The following TAFA1 variants were observed in gnomAD, a reference collection of about 807,000 sequenced individuals.
TAFA1 encodes the protein chemokine-like protein TAFA-1.
Under a neutral mutation model 18.5 loss-of-function variants are expected in TAFA1, and 4 were observed. The observed-to-expected ratio is 0.22, with a 90% CI of 0.11 to 0.49. The LOEUF (loss-of-function observed/expected upper bound fraction) is 0.49. TAFA1 is among the 20% of genes least tolerant of loss of function. The probability of loss-of-function intolerance (pLI) is 0.98; values close to 1 mark genes in which losing one functional copy is unlikely to be tolerated. For missense variants in TAFA1, 147 were observed against 169.0 expected (o/e 0.87, Z 0.72); for synonymous variants, 56 against 55.2 (o/e 1.01, Z -0.06).
intron 2 of TAFA1, among the ~76,000 whole-genome samples, chr3:68,162,392 C>A (rs574486661): frequency 6.6e-6 from 1 of 152,152 alleles, no homozygotes; most frequent in African/African-American, 2.4e-5. Context: ...GCACAGTTCA[C>A]AATAGGGTTC....
At chr3:68,286,327 C>T (rs1344526227) in intron 2 of TAFA1, among the ~76,000 whole-genome samples, 1 of 152,016 alleles carries the variant, frequency 6.6e-6, no homozygotes, top group Non-Finnish European at 1.5e-5. Context: ...CTACGTTAGT[C>T]CACGGGGCTA....
At chr3:68,313,964 G>A (rs2068564164) in intron 2 of TAFA1, among the ~76,000 whole-genome samples, 1 of 152,116 alleles carries the variant, frequency 6.6e-6, no homozygotes, top group African/African-American at 2.4e-5. Flanking sequence ...AAAATAAGTA[G>A]AACTGTAAAA....
chr3:68,134,947 A>T (rs552369199), intron 2 of TAFA1, among the ~76,000 whole-genome samples: 10 of 152,360 alleles, frequency 6.6e-5, no homozygotes, highest in Admixed American at 3.9e-4. Flanking sequence ...TTTACGTAAC[A>T]TGATGCTTGA....
At chr3:68,425,445 A>G (rs1035149789) in intron 3 of TAFA1, among the ~76,000 whole-genome samples, 3 of 151,954 alleles carry the variant, frequency 2.0e-5, no homozygotes, top group Admixed American at 6.6e-5. Context: ...GATTGTTCTT[A>G]TTAGAAGAGG....
intron 2 of TAFA1, among the ~76,000 whole-genome samples, chr3:68,226,148 T>C (rs182147536): frequency 6.6e-6 from 1 of 152,332 alleles, no homozygotes; most frequent in East Asian, 1.9e-4. Context: ...AGGGTCTGCC[T>C]TTCCCACTGT....
chr3:68,180,504 A>T (rs1454359666), intron 2 of TAFA1, among the ~76,000 whole-genome samples: 1 of 152,198 alleles, frequency 6.6e-6, no homozygotes, highest in Non-Finnish European at 1.5e-5. Flanking sequence ...TTGTCCCAAC[A>T]TAAGAAGTTC....
the TAFA1 span, among the ~76,000 whole-genome samples, chr3:67,993,868 G>A: frequency 4.9e-4 from 74 of 152,180 alleles, no homozygotes; most frequent in African/African-American, 1.5e-3. Context: ...GGCACATAGC[G>A]TTCCTATATA....
At chr3:68,120,229 CTTTCTTTCTTTCTTTCTT>C (rs2065379845) in intron 2 of TAFA1, among the ~76,000 whole-genome samples, 1 of 120,956 alleles carries the variant, frequency 8.3e-6, no homozygotes, top group Non-Finnish European at 1.7e-5. Context: ...TTCTTTCTTT[CTTTCTTTCTTTCTTTCTT>C]TCTTTCTTTC....
chr3:68,500,954 C>G (rs1849235), intron 3 of TAFA1, among the ~76,000 whole-genome samples: 30,670 of 151,604 alleles, frequency 0.2, 3,159 homozygotes, highest in Middle Eastern at 0.24. Flanking sequence ...TCACTTGAGA[C>G]CAACCTGGCC....
At chr3:68,237,855 A>G (rs1286162934) in intron 2 of TAFA1, among the ~76,000 whole-genome samples, 1 of 152,194 alleles carries the variant, frequency 6.6e-6, no homozygotes, top group Admixed American at 6.5e-5. Flanking sequence ...CAAGAGATTG[A>G]CTGACTGACA....
chr3:68,254,133 GTATCTATC>G (rs1553659903), intron 2 of TAFA1, among the ~76,000 whole-genome samples: 15 of 111,116 alleles, frequency 1.3e-4, no homozygotes, highest in Non-Finnish European at 2.0e-4. Context: ...ATGTATGTAT[GTATCTATC>G]TATCTATCTA....
At chr3:68,388,616 A>C (rs964813697) in intron 2 of TAFA1, among the ~76,000 whole-genome samples, 1 of 152,010 alleles carries the variant, frequency 6.6e-6, no homozygotes, top group African/African-American at 2.4e-5. Flanking sequence ...ACCAATTCCC[A>C]CATCTACAGA....
chr3:68,051,680 T>C (rs1415850066), intron 2 of TAFA1, among the ~76,000 whole-genome samples: 1 of 152,184 alleles, frequency 6.6e-6, no homozygotes, highest in Non-Finnish European at 1.5e-5. Flanking sequence ...GCACTGTTTA[T>C]ATCATAGTAT....
intron 2 of TAFA1, among the ~76,000 whole-genome samples, chr3:68,034,114 C>T (rs1300033635): frequency 1.3e-5 from 2 of 152,172 alleles, no homozygotes; most frequent in African/African-American, 4.8e-5. Flanking sequence ...CCCATAACCA[C>T]CTCCAGTGTC....
intron 2 of TAFA1, among the ~76,000 whole-genome samples, chr3:68,032,983 CT>C (rs1389826307): frequency 6.6e-6 from 1 of 152,052 alleles, no homozygotes; most frequent in Non-Finnish European, 1.5e-5. Context: ...GTATGATATC[CT>C]TTCATTTCCC....
intron 3 of TAFA1, among the ~76,000 whole-genome samples, chr3:68,515,155 A>T (rs905941543): frequency 6.6e-6 from 1 of 152,088 alleles, no homozygotes; most frequent in Admixed American, 6.5e-5. Flanking sequence ...CCAGTATGGT[A>T]GTGTCAGGGC....
In TAFA1 at chr3:68,205,621, C is replaced by G. The variant is rs953221875; in HGVS notation, c.118+198877C>G. Among the ~76,000 whole-genome samples the G allele has an allele frequency of 2.6e-5, 4 of 151,782 alleles. No homozygotes were observed. The South Asian group carries it at 8.3e-4, about 32-fold the overall frequency. On this transcript the variant is annotated intron_variant, in intron 2 of 4. Coordinates refer to ENST00000478136, the MANE Select transcript of TAFA1 (RefSeq NM_213609.4). ...AACTCCTGAAGACTAGAAAACGTCC[C>G]TAGATGATCTTTCCTTCAACTACTA...
chr3:68,411,326 C>G (rs1197607625), intron 2 of TAFA1, among the ~76,000 whole-genome samples: 5 of 152,152 alleles, frequency 3.3e-5, no homozygotes, highest in Non-Finnish European at 2.9e-5. Flanking sequence ...TATATATACT[C>G]TGCTATACCA....
intron 3 of TAFA1, among the ~76,000 whole-genome samples, chr3:68,476,624 C>A (rs141830304): frequency 2.0e-5 from 3 of 152,264 alleles, no homozygotes; most frequent in South Asian, 2.1e-4. Flanking sequence ...ATATCTATTT[C>A]TTATTCAATA....
Sources: allele counts gnomAD v4.1 joint callset (sites outside exome capture counted in the v4.1 genomes callset), GRCh38; gene constraint gnomAD v4.1.1; transcripts MANE v1.5; gene names NCBI Gene and HGNC (gene_info 2026-07-23, HGNC 2026-07-21).